PRKN: variants seen among roughly 807,000 people sequenced by gnomAD.
The protein encoded by PRKN is E3 ubiquitin-protein ligase parkin.
A neutral mutation model predicts 59.5 loss-of-function variants in PRKN; 56 were observed. That is an observed-to-expected ratio of 0.94 (90% CI 0.76 to 1.18). PRKN has a LOEUF of 1.18. Ranked by LOEUF, PRKN falls within the 50% of genes most tolerant of loss-of-function variation. PRKN has a pLI of 0.00. For synonymous variants in PRKN, 250 were observed against 222.1 expected (o/e 1.13, Z -1.12); for missense variants, 657 against 596.4 (o/e 1.10, Z -1.06).
At chr6:161,728,985 A>G (rs943036762) in intron 7 of PRKN, among the ~76,000 whole-genome samples, 2 of 152,254 alleles carry the variant, frequency 1.3e-5, no homozygotes, top group Admixed American at 1.3e-4. Flanking sequence ...TCAAACTCAA[A>G]TGTGCCTAGA....
Position 161,466,118 on chromosome 6 carries a change from CA to C in PRKN, c.1084-79242del, listed in dbSNP as rs1373027210. 1.3e-5 allele frequency among the ~76,000 whole-genome samples: 2 copies of C among 152,086 alleles called. No individual in the cohort carries two copies. The highest frequency in any genetic ancestry group is 1.5e-5 in the Non-Finnish European group (1 of 68,006). ...GAGGACACTTAAGACCTAGTCTTAG[CA>C]CATTTCAAGTACACAATACAACATT... On this transcript the variant is annotated intron_variant, in intron 9 of 11. Coordinates refer to ENST00000366898, the MANE Select transcript of PRKN (RefSeq NM_004562.3). This position sits in a 1 kb window ranked among gnomAD's most constrained non-coding sequence, Gnocchi z 5.0.
chr6:162,126,233 A>G (rs551449282), intron 4 of PRKN, among the ~76,000 whole-genome samples: 11 of 152,262 alleles, frequency 7.2e-5, no homozygotes, highest in African/African-American at 2.2e-4. Context: ...CTCATTCCCA[A>G]TGGGAAGCAG....
chr6:162,384,783 T>TG (rs1430712406), intron 2 of PRKN, among the ~76,000 whole-genome samples: 1 of 152,168 alleles, frequency 6.6e-6, no homozygotes, highest in Non-Finnish European at 1.5e-5. Context: ...TTGTCTTATA[T>TG]GGCGGGTATT....
At chr6:161,511,153 G>A (rs1006539189) in intron 9 of PRKN, among the ~76,000 whole-genome samples, 1 of 152,118 alleles carries the variant, frequency 6.6e-6, no homozygotes, top group African/African-American at 2.4e-5. Flanking sequence ...AAAAATAAAT[G>A]TTCTTTGTGG....
At chr6:162,476,189 C>T (rs1401587741) in intron 1 of PRKN, among the ~76,000 whole-genome samples, 1 of 151,994 alleles carries the variant, frequency 6.6e-6, no homozygotes, top group Non-Finnish European at 1.5e-5. Flanking sequence ...TCCCGAGTAG[C>T]TGGGATTACA....
At chr6:161,653,967 T>C (rs575111404) in intron 7 of PRKN, among the ~76,000 whole-genome samples, 1 of 152,012 alleles carries the variant, frequency 6.6e-6, no homozygotes, top group African/African-American at 2.4e-5. Flanking sequence ...TGGGATCTGA[T>C]AGTCTCTAAT....
At chr6:161,646,699 C>T (rs997505475) in intron 7 of PRKN, among the ~76,000 whole-genome samples, 1 of 152,180 alleles carries the variant, frequency 6.6e-6, no homozygotes, top group African/African-American at 2.4e-5. Flanking sequence ...GTGTTTGATG[C>T]AGCCTCCTAA....
At chr6:162,509,154 C>T (rs986256172) in intron 1 of PRKN, among the ~76,000 whole-genome samples, 3 of 152,184 alleles carry the variant, frequency 2.0e-5, no homozygotes, top group Non-Finnish European at 2.9e-5. Context: ...CACAGCCCTT[C>T]TATTTTTTAA....
intron 6 of PRKN, among the ~76,000 whole-genome samples, chr6:161,858,904 T>C (rs1355349868): frequency 7.4e-6 from 1 of 135,912 alleles, no homozygotes; most frequent in Non-Finnish European, 1.6e-5. Context: ...TCTTGTTGCC[T>C]AGGCTGGAGC....
intron 7 of PRKN, among the ~76,000 whole-genome samples, chr6:161,738,712 G>A (rs1788069261): frequency 6.6e-6 from 1 of 152,142 alleles, no homozygotes; most frequent in African/African-American, 2.4e-5. Context: ...CCACTGATGG[G>A]TTCTACATCC....
At chr6:162,485,174 A>C (rs1237715187) in intron 1 of PRKN, among the ~76,000 whole-genome samples, 8 of 152,056 alleles carry the variant, frequency 5.3e-5, no homozygotes, top group Admixed American at 4.6e-4. Flanking sequence ...AAGTAATAGG[A>C]TTTTTCTTTA....
rs775636539 is a variant in PRKN at position 161,467,924 on chromosome 6, G to A, written c.1083+80930C>T. On this transcript the variant is annotated intron_variant, in intron 9 of 11. Transcript: ENST00000366898. The surrounding 1 kb of genome is among the most constrained non-coding windows in gnomAD (Gnocchi z 4.3). ...CTTCCAGCTTTTTTTTTTCATGTGA[G>A]AAAGAGTAAAATTCTATTCCTTCTC... 1.3e-5 allele frequency among the ~76,000 whole-genome samples: 2 copies of A among 151,744 alleles called. No homozygotes were observed. The highest frequency in any genetic ancestry group is 2.9e-5 in the Non-Finnish European group (2 of 67,962).
At chr6:162,724,361 G>A (rs575176997) in intron 1 of PRKN, among the ~76,000 whole-genome samples, 2 of 152,254 alleles carry the variant, frequency 1.3e-5, no homozygotes, top group African/African-American at 4.8e-5. Flanking sequence ...CAATGCAGGT[G>A]GGAAATGTAA....
At chr6:162,419,679 G>A (rs1475673644) in intron 2 of PRKN, among the ~76,000 whole-genome samples, 1 of 151,920 alleles carries the variant, frequency 6.6e-6, no homozygotes, top group Non-Finnish European at 1.5e-5. Flanking sequence ...TTTACTTTTT[G>A]AAAAATGCTT....
intron 1 of PRKN, among the ~76,000 whole-genome samples, chr6:162,670,887 A>G (rs774797239): frequency 6.6e-6 from 1 of 152,210 alleles, no homozygotes; most frequent in African/African-American, 2.4e-5. Context: ...ACTGTCTGAT[A>G]AAAGTATTAA....
intron 9 of PRKN, among the ~76,000 whole-genome samples, chr6:161,406,279 G>C (rs1787273266): frequency 6.6e-6 from 1 of 151,412 alleles, no homozygotes; most frequent in Admixed American, 6.6e-5. Flanking sequence ...TTCCCACTTA[G>C]CATCTACTTT....
At chr6:162,445,701 A>T (rs1790280602) in intron 1 of PRKN, among the ~76,000 whole-genome samples, 1 of 83,760 alleles carries the variant, frequency 1.2e-5, no homozygotes, top group African/African-American at 3.9e-5. Flanking sequence ...AAAAAAAAAA[A>T]AAAAAAAAAA....
rs1784875870 is a variant in PRKN at position 161,359,028 on chromosome 6, T to C, written c.1285+1060A>G. 6.6e-6 allele frequency among the ~76,000 whole-genome samples: 1 copy of C among 151,964 alleles called. No homozygotes were observed. Among genetic ancestry groups the C allele is most frequent in the Non-Finnish European group, 1.5e-5 (1 of 67,974 alleles). ...CCAGGATGGTCTCGACCTCCTGACC[T>C]TGTGATCCACCCGCCTCCGCCTCCC... On this transcript the variant is annotated intron_variant, in intron 11 of 11. Transcript: ENST00000366898. This position sits in a 1 kb window ranked among gnomAD's most constrained non-coding sequence, Gnocchi z 5.4.
In PRKN at chr6:161,495,493, A is replaced by G. The variant is rs547432091; in HGVS notation, c.1083+53361T>C. 2.2e-3 allele frequency among the ~76,000 whole-genome samples: 342 copies of G among 152,330 alleles called. 2 individuals carry two copies. Among genetic ancestry groups the G allele is most frequent in the African/African-American group, 8.1e-3 (335 of 41,586 alleles). On this transcript the variant is annotated intron_variant, in intron 9 of 11. Coordinates refer to ENST00000366898, the MANE Select transcript of PRKN (RefSeq NM_004562.3). Reference sequence around the variant, plus strand: ...AGGGTCCCATGTGACTGGATCTGGCACCTGAGATGTAAACGAAAGTGAAGC... The same window carrying G: ...AGGGTCCCATGTGACTGGATCTGGCGCCTGAGATGTAAACGAAAGTGAAGC...
Sources: gnomAD v4.1 joint callset for allele counts (sites outside exome capture counted in the v4.1 genomes callset) on GRCh38, gnomAD v4.1.1 for gene constraint, Gnocchi (gnomAD v3.1) non-coding constraint, MANE v1.5 for transcripts, NCBI Gene and HGNC (gene_info 2026-07-23, HGNC 2026-07-21) for gene names.